Variants in NCOA7 observed in about 807,000 individuals in gnomAD.
NCOA7 encodes nuclear receptor coactivator 7.
Under a neutral mutation model 104.3 loss-of-function variants are expected in NCOA7, and 45 were observed. The observed-to-expected ratio is 0.43, with a 90% CI of 0.34 to 0.55. NCOA7 has a LOEUF of 0.55. Ranked by LOEUF, NCOA7 falls within the 20% of genes least tolerant of loss-of-function variation. The pLI is 0.02. For synonymous variants in NCOA7, 398 were observed against 402.3 expected, an observed-to-expected ratio of 0.99 and a Z score of 0.13; for missense variants, 1,041 against 1,119.7, an observed-to-expected ratio of 0.93 and a Z score of 1.00.
At position 125,922,733 on chromosome 6, in the gene NCOA7, T is replaced by C; in HGVS notation, c.2422T>C (p.Tyr808His). 6.2e-7 allele frequency: 1 copy of C among 1,614,034 alleles called. No individual in the cohort carries two copies. Among genetic ancestry groups the C allele is most frequent in the Non-Finnish European group, 8.5e-7 (1 of 1,180,022 alleles). Residue 808 changes from tyrosine (Y) to histidine (H), a missense_variant, in exon 13 of 16, where the codon TAT becomes CAT. Tyr to His is a moderately conservative substitution (Grantham distance 83). Coordinates refer to ENST00000392477, the MANE Select transcript of NCOA7 (RefSeq NM_181782.5). ...RVQGYPWRLA[Y>H]STLEHGTSLK... ...GCAAGGGTATCCATGGAGACTGGCC[T>C]ATAGCACGTTAGAGCACGGGACCAG...
At chr6:125,806,975 G>A (rs567113116) in intron 1 of NCOA7, among the ~76,000 whole-genome samples, 17 of 152,270 alleles carry the variant, frequency 1.1e-4, no homozygotes, top group East Asian at 5.8e-4. Context: ...TGAGAACTGC[G>A]TTTCTACAGT....
chr6:125,921,428 C>T (rs1398378016), intron 12 of NCOA7, among the ~76,000 whole-genome samples: 1 of 151,904 alleles, frequency 6.6e-6, no homozygotes, highest in Non-Finnish European at 1.5e-5. Context: ...AAAAAATTCC[C>T]ATCCCTGAAT....
intron 4 of NCOA7, 131 bp downstream of exon 4, chr6:125,875,099 C>A: frequency 3.2e-6 from 2 of 617,834 alleles, no homozygotes; most frequent in Non-Finnish European, 2.9e-6. Context: ...TTCTTAAGAC[C>A]AGTTTTAGGT....
intron 3 of NCOA7, 140 bp from the exon 4 acceptor site, chr6:125,874,749 C>A (rs890000733): frequency 9.9e-6 from 6 of 603,628 alleles, no homozygotes; most frequent in Non-Finnish European, 1.2e-5. Flanking sequence ...TGAGTATGAT[C>A]TATTTGTGCC....
At chr6:125,846,350 A>G (rs1208997575) in intron 2 of NCOA7, among the ~76,000 whole-genome samples, 4 of 98,934 alleles carry the variant, frequency 4.0e-5, no homozygotes, top group African/African-American at 1.3e-4. Flanking sequence ...GGATATAAAA[A>G]AGAAAAAAAA....
chr6:125,846,676 G>A (rs554097285), intron 2 of NCOA7, among the ~76,000 whole-genome samples: 1 of 152,320 alleles, frequency 6.6e-6, no homozygotes, highest in South Asian at 2.1e-4. Context: ...TTTTAAAGTT[G>A]ACGTTTACAT....
upstream of NCOA7, chr6:125,786,326 A>C (rs1461989454): frequency 2.6e-5 from 4 of 151,652 alleles, no homozygotes; most frequent in Non-Finnish European, 5.9e-5. Flanking sequence ...AATGCATAAA[A>C]CTCCTCTCCC....
intron 10 of NCOA7, among the ~76,000 whole-genome samples, chr6:125,901,615 C>T (rs143684604): frequency 2.0e-5 from 3 of 152,318 alleles, no homozygotes; most frequent in South Asian, 2.1e-4. Flanking sequence ...GGGTTGCCCA[C>T]GACCACTGGA....
intron 10 of NCOA7, among the ~76,000 whole-genome samples, chr6:125,896,844 C>T (rs1038583805): frequency 6.6e-6 from 1 of 152,118 alleles, no homozygotes; most frequent in Non-Finnish European, 1.5e-5. Flanking sequence ...ATGTATAATA[C>T]ATTTATTTGT....
intron 12 of NCOA7, among the ~76,000 whole-genome samples, chr6:125,922,136 A>C (rs1348078129): frequency 6.6e-6 from 1 of 152,228 alleles, no homozygotes; most frequent in Non-Finnish European, 1.5e-5. Flanking sequence ...AATATTCTTG[A>C]AGAGATATAC....
chr6:125,911,875 C>A (rs1251025192), intron 10 of NCOA7, among the ~76,000 whole-genome samples: 1 of 152,162 alleles, frequency 6.6e-6, no homozygotes, highest in Admixed American at 6.5e-5. Flanking sequence ...ACGGTTTGTT[C>A]ATCTCCTGCA....
intron 1 of NCOA7, among the ~76,000 whole-genome samples, chr6:125,781,943 T>C (rs1412921651): frequency 6.6e-6 from 1 of 152,192 alleles, no homozygotes; most frequent in Non-Finnish European, 1.5e-5. Flanking sequence ...ATACCCTTCA[T>C]CCATACCTTT....
At chr6:125,917,377 C>T (rs577997939) in intron 11 of NCOA7, among the ~76,000 whole-genome samples, 4 of 152,216 alleles carry the variant, frequency 2.6e-5, no homozygotes, top group East Asian at 3.9e-4. Context: ...GTCTCTTCTC[C>T]AGCCAATGTG....
intron 2 of NCOA7, among the ~76,000 whole-genome samples, chr6:125,829,443 T>G (rs1238490456): frequency 6.6e-6 from 1 of 152,250 alleles, no homozygotes; most frequent in Non-Finnish European, 1.5e-5. Flanking sequence ...ATCATTCATA[T>G]CTGTTTTAAA....
intron 1 of NCOA7, among the ~76,000 whole-genome samples, chr6:125,798,493 T>C (rs1049649894): frequency 6.6e-6 from 1 of 152,228 alleles, no homozygotes; most frequent in Non-Finnish European, 1.5e-5. Flanking sequence ...TCAAGGGTGT[T>C]ACTGTAAAAA....
intron 2 of NCOA7, among the ~76,000 whole-genome samples, chr6:125,834,927 A>G (rs1471574038): frequency 6.6e-6 from 1 of 152,192 alleles, no homozygotes; most frequent in Non-Finnish European, 1.5e-5. Context: ...GTGTGGCATT[A>G]TTAGATTAAT....
intron 12 of NCOA7, 41 bp from the exon 13 acceptor site, chr6:125,922,641 G>T: frequency 6.3e-7 from 1 of 1,592,504 alleles, no homozygotes; most frequent in South Asian, 1.1e-5. Flanking sequence ...AGCAATTTGT[G>T]GGTGAACCTT....
chr6:125,815,462 T>A, intron 2 of NCOA7, 58 bp downstream of exon 2: 17 of 1,372,286 alleles, frequency 1.2e-5, no homozygotes, highest in Non-Finnish European at 1.7e-5. Context: ...TTGAGGGGAC[T>A]TTGTCCTCAA....
chr6:125,888,714 G>A (rs575780762), intron 8 of NCOA7, among the ~76,000 whole-genome samples: 50 of 152,046 alleles, frequency 3.3e-4, no homozygotes, highest in African/African-American at 1.1e-3. Flanking sequence ...AACTCTCATG[G>A]TTCATTCTTT....
Sources: gnomAD v4.1 joint callset for allele counts (sites outside exome capture counted in the v4.1 genomes callset) on GRCh38, gnomAD v4.1.1 for gene constraint, MANE v1.5 for transcripts, NCBI Gene and HGNC (gene_info 2026-07-23, HGNC 2026-07-21) for gene names.